Variants in ROBO2 observed in about 807,000 individuals in gnomAD.
The protein encoded by ROBO2 is roundabout homolog 2.
Under a neutral mutation model 160.8 loss-of-function variants are expected in ROBO2, and 53 were observed. The observed-to-expected ratio is 0.33, with a 90% CI of 0.26 to 0.41. The LOEUF (loss-of-function observed/expected upper bound fraction) is 0.41. ROBO2 is among the 10% of genes least tolerant of loss of function. The pLI is 1.00. For missense variants in ROBO2, 1,577 were observed against 1,722.4 expected (o/e 0.92, Z 1.49); for synonymous variants, 664 against 611.7 (o/e 1.09, Z -1.26).
At chr3:75,958,592 G>A (rs568947630) in intron 2 of ROBO2, among the ~76,000 whole-genome samples, 1 of 151,792 alleles carries the variant, frequency 6.6e-6, no homozygotes, top group African/African-American at 2.4e-5. Flanking sequence ...ATGCAGGAGG[G>A]GGCAGCTTTG....
intron 2 of ROBO2, among the ~76,000 whole-genome samples, chr3:76,231,011 G>A (rs542086090): frequency 2.6e-5 from 4 of 152,150 alleles, no homozygotes; most frequent in Non-Finnish European, 4.4e-5. Context: ...AGAGAGGCAC[G>A]AATCACGTGT....
intron 2 of ROBO2, among the ~76,000 whole-genome samples, chr3:77,140,675 C>CG (rs1215638280): frequency 3.9e-5 from 6 of 152,158 alleles, no homozygotes; most frequent in Non-Finnish European, 7.4e-5. Flanking sequence ...ACCTTCAATA[C>CG]TCCCAACACT....
chr3:77,032,132 A>G (rs2063362694), intron 2 of ROBO2, among the ~76,000 whole-genome samples: 1 of 152,196 alleles, frequency 6.6e-6, no homozygotes, highest in Admixed American at 6.6e-5. Context: ...TTAAGATTTC[A>G]TCATGAGAAT....
At chr3:76,471,651 A>G (rs1221137564) in intron 2 of ROBO2, among the ~76,000 whole-genome samples, 2 of 152,122 alleles carry the variant, frequency 1.3e-5, no homozygotes, top group African/African-American at 4.8e-5. Flanking sequence ...TCATCAAATT[A>G]ATATTGAATG....
chr3:77,415,373 G>A (rs911405111), intron 2 of ROBO2, among the ~76,000 whole-genome samples: 1 of 152,224 alleles, frequency 6.6e-6, no homozygotes, highest in Non-Finnish European at 1.5e-5. Flanking sequence ...GTATGTCTGT[G>A]TTTTGGAGAG....
chr3:76,635,996 G>T (rs2090310172), intron 2 of ROBO2, among the ~76,000 whole-genome samples: 1 of 152,138 alleles, frequency 6.6e-6, no homozygotes, highest in Non-Finnish European at 1.5e-5. Context: ...ATGTTTTTGT[G>T]TTGATGATTT....
At chr3:76,000,140 G>A (rs1204357174) in intron 2 of ROBO2, among the ~76,000 whole-genome samples, 1 of 152,096 alleles carries the variant, frequency 6.6e-6, no homozygotes, top group African/African-American at 2.4e-5. Context: ...TTGGGGCAGA[G>A]AGACCTTAAC....
chr3:77,260,361 C>T (rs2058697312), intron 2 of ROBO2, among the ~76,000 whole-genome samples: 4 of 152,006 alleles, frequency 2.6e-5, no homozygotes, highest in Non-Finnish European at 5.9e-5. Context: ...GATAATACTC[C>T]ACAGCACAAA....
chr3:75,945,546 C>T (rs113183049), intron 2 of ROBO2, among the ~76,000 whole-genome samples: 11 of 151,844 alleles, frequency 7.2e-5, no homozygotes, highest in African/African-American at 1.9e-4. Flanking sequence ...GAATTTTAAA[C>T]GGTCACTATT....
intron 2 of ROBO2, among the ~76,000 whole-genome samples, chr3:76,738,133 CA>C (rs1213065380): frequency 6.7e-6 from 1 of 150,064 alleles, no homozygotes; most frequent in Non-Finnish European, 1.5e-5. Context: ...GACCCTGACT[CA>C]AAAAAAATAA....
chr3:76,549,696 A>G (rs1269288425), intron 2 of ROBO2, among the ~76,000 whole-genome samples: 8 of 152,192 alleles, frequency 5.3e-5, no homozygotes, highest in Non-Finnish European at 1.2e-4. Context: ...TAGTGGATTC[A>G]GTTTCTCCAG....
chr3:76,386,349 CCCTCCCTCCCTTCCTT>C (rs1291018179), intron 2 of ROBO2, among the ~76,000 whole-genome samples: 14 of 125,712 alleles, frequency 1.1e-4, no homozygotes, highest in Middle Eastern at 4.0e-3. Context: ...CTCCCTCCCT[CCCTCCCTCCCTTCCTT>C]CCTCCCCTCC....
At chr3:77,470,569 C>T (rs949509256) in intron 2 of ROBO2, among the ~76,000 whole-genome samples, 1 of 152,068 alleles carries the variant, frequency 6.6e-6, no homozygotes, top group Non-Finnish European at 1.5e-5. Flanking sequence ...TATGTACTCA[C>T]TAAATTTTAG....
chr3:77,548,367 G>A (rs775750), intron 7 of ROBO2, among the ~76,000 whole-genome samples: 85,077 of 151,916 alleles, frequency 0.56, 23,898 homozygotes, highest in Middle Eastern at 0.68. Flanking sequence ...TATGTCACTG[G>A]TAGTAAATAT....
At chr3:77,295,345 A>T (rs2061940423) in intron 2 of ROBO2, among the ~76,000 whole-genome samples, 2 of 150,408 alleles carry the variant, frequency 1.3e-5, no homozygotes, top group African/African-American at 5.0e-5. Context: ...ATCACCAAAG[A>T]CATAAAGTAA....
At chr3:77,381,218 G>A (rs1215389746) in intron 2 of ROBO2, among the ~76,000 whole-genome samples, 1 of 152,156 alleles carries the variant, frequency 6.6e-6, no homozygotes, top group Non-Finnish European at 1.5e-5. Flanking sequence ...CGGAGGCTGA[G>A]GCAGGAGAAT....
chr3:76,504,699 T>A (rs2080695080), intron 2 of ROBO2, among the ~76,000 whole-genome samples: 1 of 151,912 alleles, frequency 6.6e-6, no homozygotes, highest in Admixed American at 6.6e-5. Flanking sequence ...AGCTAATTTT[T>A]TTGTATTTTT....
intron 2 of ROBO2, among the ~76,000 whole-genome samples, chr3:76,339,549 G>C (rs1164839614): frequency 6.6e-6 from 1 of 151,774 alleles, no homozygotes; most frequent in African/African-American, 2.4e-5. Flanking sequence ...TCTGAACATG[G>C]GCGAGACACC....
At chr3:76,829,453 A>G (rs1353366312) in intron 2 of ROBO2, among the ~76,000 whole-genome samples, 1 of 152,010 alleles carries the variant, frequency 6.6e-6, no homozygotes, top group Non-Finnish European at 1.5e-5. Context: ...CATTCTGCAC[A>G]TGTACCCCAG....
Sources: allele counts gnomAD v4.1 joint callset (sites outside exome capture counted in the v4.1 genomes callset), GRCh38; gene constraint gnomAD v4.1.1; transcripts MANE v1.5; gene names NCBI Gene and HGNC (gene_info 2026-07-23, HGNC 2026-07-21).